NBEA: variants seen among roughly 807,000 people sequenced by gnomAD.
NBEA encodes the protein neurobeachin, also known as lysosomal-trafficking regulator 2.
NBEA carries 44 observed loss-of-function variants against 343.4 expected under a neutral mutation model. That is an observed-to-expected ratio of 0.13 (90% confidence interval 0.10 to 0.16). The LOEUF (loss-of-function observed/expected upper bound fraction) is 0.16. Among genes scored for constraint, NBEA ranks in the 10% least tolerant of loss-of-function variants. The pLI is 1.00. For missense variants in NBEA, 2,555 were observed against 3,631.3 expected, an observed-to-expected ratio of 0.70 and a Z score of 7.62; for synonymous variants, 1,175 against 1,238.7, an observed-to-expected ratio of 0.95 and a Z score of 1.08.
intron 17 of NBEA, among the ~76,000 whole-genome samples, chr13:35,126,803 A>T (rs2067156553): frequency 1.3e-5 from 2 of 151,880 alleles, no homozygotes; most frequent in Admixed American, 6.6e-5. Context: ...CTGTCATCCC[A>T]GCTACTCGGG....
intron 50 of NBEA, 57 bp from the exon 51 acceptor site, chr13:35,646,202 G>C: frequency 7.6e-7 from 1 of 1,320,464 alleles, no homozygotes; most frequent in Non-Finnish European, 1.1e-6. Flanking sequence ...CAAAGAGTGT[G>C]TTGGCCTCTC....
At chr13:34,984,055 C>T (rs533108524) in intron 1 of NBEA, among the ~76,000 whole-genome samples, 143 of 152,226 alleles carry the variant, frequency 9.4e-4, no homozygotes, top group Non-Finnish European at 1.7e-3. Flanking sequence ...TCCCATTTGT[C>T]AATTTTGGCT....
chr13:35,476,675 G>A (rs1344885811), intron 41 of NBEA: 7 of 747,956 alleles, frequency 9.4e-6, no homozygotes, highest in Non-Finnish European at 1.3e-5. Context: ...AGAAGAAGCT[G>A]CTGTTGGTTT....
At chr13:35,232,732 T>C in intron 34 of NBEA, 113 bp downstream of exon 34, 1 of 766,350 alleles carries the variant, frequency 1.3e-6, no homozygotes. Context: ...AAGGCATTAC[T>C]TCACAAATTC....
intron 24 of NBEA, among the ~76,000 whole-genome samples, chr13:35,165,824 A>G (rs2069974857): frequency 6.6e-6 from 1 of 151,564 alleles, no homozygotes; most frequent in Non-Finnish European, 1.5e-5. Context: ...AGCTGGGATT[A>G]TAGGTGTGCA....
chr13:35,342,186 A>G (rs1449579301), intron 36 of NBEA, among the ~76,000 whole-genome samples: 3 of 152,080 alleles, frequency 2.0e-5, no homozygotes, highest in Non-Finnish European at 4.4e-5. Context: ...AGTACTTACC[A>G]GAAGAAAGGA....
rs375633543 is a variant in NBEA, at chr13:35,050,238, G to T, written c.846-31G>T. ...AGGTGTTTAGTTCTTTTTATCAGAG[G>T]ATATTATACTATTCTCAGTTGTCTT... On this transcript the variant is annotated intron_variant, in intron 5 of 58. Coordinates refer to ENST00000379939, the MANE Select transcript of NBEA (RefSeq NM_001385012.1). 1.9e-6 allele frequency: 3 copies of T among 1,590,568 alleles called. No homozygotes were observed. The African/African-American group carries it at 4.1e-5, about 22-fold the overall frequency.
intron 1 of NBEA, among the ~76,000 whole-genome samples, chr13:35,026,148 A>C (rs145522434): frequency 7.3e-4 from 111 of 152,200 alleles, no homozygotes; most frequent in Non-Finnish European, 1.2e-3. Flanking sequence ...TGGTTTCATA[A>C]GCATCTGGCA....
At chr13:35,049,047 C>G (rs941113545) in intron 5 of NBEA, among the ~76,000 whole-genome samples, 1 of 151,754 alleles carries the variant, frequency 6.6e-6, no homozygotes, top group Admixed American at 6.6e-5. Context: ...TTTGCCTTTT[C>G]ACTTACTTTG....
In NBEA at chr13:35,159,301, C is replaced by A; in HGVS notation, c.3130C>A (p.Pro1044Thr). 3.7e-6 allele frequency: 6 copies of A among 1,613,358 alleles called. No homozygotes were observed. Among genetic ancestry groups the A allele is most frequent in the Non-Finnish European group, 5.1e-6 (6 of 1,179,642 alleles). Residue 1044 changes from proline (P) to threonine (T), a missense_variant, in exon 22 of 59, where the codon CCA (proline) becomes ACA (threonine). Pro to Thr is a conservative substitution (Grantham distance 38). Coordinates refer to ENST00000379939, the MANE Select transcript of NBEA (RefSeq NM_001385012.1). ...TGATATTCTTGGAAATTCAGATAGACCAGGAAGTGGTGTACATGTGGAAGT... is the reference window on the plus strand; with the variant it reads ...TGATATTCTTGGAAATTCAGATAGAACAGGAAGTGGTGTACATGTGGAAGT... ...SDDILGNSDR[P>T]GSGVHVEVHD...
chr13:35,362,450 AT>A (rs2152875665), intron 38 of NBEA, among the ~76,000 whole-genome samples: 1 of 152,074 alleles, frequency 6.6e-6, no homozygotes, highest in South Asian at 2.1e-4. Flanking sequence ...TTTCCCAGCA[AT>A]TTTTATATAA....
chr13:35,015,010 C>T (rs1593467408), intron 1 of NBEA, among the ~76,000 whole-genome samples: 1 of 151,370 alleles, frequency 6.6e-6, no homozygotes, highest in Admixed American at 6.6e-5. Context: ...GACAGGGCCG[C>T]ATCATCACCT....
At chr13:35,621,028 AAGC>A in intron 48 of NBEA, among the ~76,000 whole-genome samples, 1 of 152,256 alleles carries the variant, frequency 6.6e-6, no homozygotes, top group Admixed American at 6.5e-5. Flanking sequence ...CAGAAATTCT[AAGC>A]AGCGGAAAAA....
At chr13:35,553,938 G>A (rs2079463963) in intron 43 of NBEA, among the ~76,000 whole-genome samples, 1 of 152,136 alleles carries the variant, frequency 6.6e-6, no homozygotes, top group African/African-American at 2.4e-5. Flanking sequence ...ACTGGTGTTT[G>A]GTGGCTACTG....
intron 38 of NBEA, among the ~76,000 whole-genome samples, chr13:35,376,684 G>A (rs1224525621): frequency 6.6e-6 from 1 of 152,128 alleles, no homozygotes; most frequent in African/African-American, 2.4e-5. Flanking sequence ...GGAGGAATAG[G>A]ATTCCCCCAT....
chr13:35,235,096 A>G (rs2075161607), intron 34 of NBEA, among the ~76,000 whole-genome samples: 1 of 152,162 alleles, frequency 6.6e-6, no homozygotes, highest in Non-Finnish European at 1.5e-5. Context: ...AAAGTAGCCT[A>G]AATATTATGT....
Position 35,671,058 on chromosome 13 carries a change from C to G in NBEA, c.*67C>G. Reference sequence around the variant, plus strand: ...CAAGTGCTGCATGGAAAGGCAATATCTCTGGTGGAAAAAACTCGTCTACAT... The same window carrying G: ...CAAGTGCTGCATGGAAAGGCAATATGTCTGGTGGAAAAAACTCGTCTACAT... On this transcript the variant is annotated 3_prime_UTR_variant, in exon 59 of 59. Coordinates refer to ENST00000379939, the MANE Select transcript of NBEA (RefSeq NM_001385012.1). 8.3e-7 allele frequency: 1 copy of G among 1,207,260 alleles called. No homozygotes were observed. The highest frequency in any genetic ancestry group is 1.2e-6 in the Non-Finnish European group (1 of 845,126). 74.8% of individuals were successfully genotyped at this position (1,207,260 alleles called of 1,614,324 possible).
chr13:35,108,344 A>G (rs902168970), intron 11 of NBEA, among the ~76,000 whole-genome samples: 3 of 152,004 alleles, frequency 2.0e-5, no homozygotes, highest in Non-Finnish European at 1.5e-5. Flanking sequence ...GCTTTTATGA[A>G]GAGCATTTTT....
intron 41 of NBEA, among the ~76,000 whole-genome samples, chr13:35,478,793 G>C (rs2075995287): frequency 6.6e-6 from 1 of 152,228 alleles, no homozygotes; most frequent in Admixed American, 6.5e-5. Context: ...CTTGCCCCAA[G>C]ACCTCGCCCC....
Sources: allele counts gnomAD v4.1 joint callset (sites outside exome capture counted in the v4.1 genomes callset), GRCh38; gene constraint gnomAD v4.1.1; transcripts MANE v1.5; gene names NCBI Gene and HGNC (gene_info 2026-07-23, HGNC 2026-07-21).